Variants in RAD51B observed in about 807,000 individuals in gnomAD.
RAD51B encodes DNA repair protein RAD51 homolog 2.
RAD51B carries 38 observed loss-of-function variants against 42.2 expected under a neutral mutation model. That is an observed-to-expected ratio of 0.90 (90% CI 0.70 to 1.18). RAD51B has a LOEUF of 1.18. Ranked by LOEUF, RAD51B falls within the 50% of genes most tolerant of loss-of-function variation. The pLI is 0.00. For missense variants in RAD51B, 373 were observed against 400.7 expected (o/e 0.93, Z 0.59); for synonymous variants, 154 against 145.2 (o/e 1.06, Z -0.43).
In RAD51B at chr14:68,302,799, G is replaced by T. The variant is rs12890167; in HGVS notation, c.853+10819G>T. Among the ~76,000 whole-genome samples, 478 of 152,222 alleles carry T rather than the reference G, an allele frequency of 3.1e-3. 11 individuals carry two copies. Among genetic ancestry groups the T allele is most frequent in the East Asian group, 0.022 (116 of 5,186 alleles). On this transcript the variant is annotated intron_variant, in intron 8 of 10. Transcript: ENST00000471583. The stretch of plus-strand genomic sequence containing the variant: ...AACTGCAGCAGGAGCATATCCTTAA[G>T]GCACAGATCACTCATGCTATTGTTT...
chr14:68,194,012 A>C (rs963985205), intron 7 of RAD51B, among the ~76,000 whole-genome samples: 21 of 152,346 alleles, frequency 1.4e-4, no homozygotes, highest in Admixed American at 1.3e-3. Flanking sequence ...AAACAAGCTA[A>C]GAGGGCTGTC....
intron 7 of RAD51B, among the ~76,000 whole-genome samples, chr14:68,102,006 C>T (rs2077298811): frequency 6.6e-6 from 1 of 152,202 alleles, no homozygotes; most frequent in South Asian, 2.1e-4. Context: ...AGGTCCAACA[C>T]CACATGGAAG....
At chr14:68,251,089 T>C (rs2080620165) in intron 7 of RAD51B, among the ~76,000 whole-genome samples, 1 of 152,134 alleles carries the variant, frequency 6.6e-6, no homozygotes, top group Non-Finnish European at 1.5e-5. Flanking sequence ...TGACTAGTTG[T>C]CAAGGCCCTG....
At chr14:68,314,667 GAGTTGAGGC>G (rs1156357545) in intron 8 of RAD51B, among the ~76,000 whole-genome samples, 2 of 152,102 alleles carry the variant, frequency 1.3e-5, no homozygotes, top group Non-Finnish European at 1.5e-5. Flanking sequence ...TATTTTTTAA[GAGTTGAGGC>G]AGCACAGAGA....
intron 1 of RAD51B, among the ~76,000 whole-genome samples, chr14:67,821,356 A>G (rs2140269129): frequency 6.6e-6 from 1 of 152,352 alleles, no homozygotes; most frequent in South Asian, 2.1e-4. Flanking sequence ...CAGAAACAAT[A>G]TGCAATAGTC....
At chr14:68,268,180 T>A (rs2081030303) in intron 7 of RAD51B, among the ~76,000 whole-genome samples, 1 of 152,218 alleles carries the variant, frequency 6.6e-6, no homozygotes, top group South Asian at 2.1e-4. Flanking sequence ...AACTATCACT[T>A]CAGACACCTA....
chr14:67,922,051 A>G (rs575796979), intron 7 of RAD51B, among the ~76,000 whole-genome samples: 1 of 152,344 alleles, frequency 6.6e-6, no homozygotes, highest in Non-Finnish European at 1.5e-5. Flanking sequence ...GCAGCTCAGC[A>G]AGCGTCCAGC....
intron 7 of RAD51B, among the ~76,000 whole-genome samples, chr14:68,215,070 A>G (rs2079785724): frequency 6.6e-6 from 1 of 152,188 alleles, no homozygotes; most frequent in African/African-American, 2.4e-5. Flanking sequence ...GAAGAAGATT[A>G]ATTATCTCCA....
chr14:67,835,572 T>TA (rs2041212503), intron 4 of RAD51B, among the ~76,000 whole-genome samples: 1 of 135,268 alleles, frequency 7.4e-6, no homozygotes, highest in Non-Finnish European at 1.7e-5. Flanking sequence ...TATATACACA[T>TA]ATGTCATATA....
chr14:68,031,238 G>GA (rs1278720915), intron 7 of RAD51B, among the ~76,000 whole-genome samples: 11 of 152,102 alleles, frequency 7.2e-5, no homozygotes, highest in Admixed American at 2.6e-4. Flanking sequence ...AGAGAACGGG[G>GA]ATCAAGTGAA....
intron 7 of RAD51B, among the ~76,000 whole-genome samples, chr14:68,220,620 G>C (rs1485726880): frequency 6.6e-6 from 1 of 152,170 alleles, no homozygotes; most frequent in Non-Finnish European, 1.5e-5. Flanking sequence ...AGCCAGAGCA[G>C]TTAGACAAAT....
chr14:68,000,733 G>A (rs566981607), intron 7 of RAD51B, among the ~76,000 whole-genome samples: 1 of 152,256 alleles, frequency 6.6e-6, no homozygotes, highest in African/African-American at 2.4e-5. Context: ...ATGGAGAAGG[G>A]CTATTATCCC....
intron 7 of RAD51B, among the ~76,000 whole-genome samples, chr14:68,133,372 T>G (rs1031114915): frequency 1.3e-5 from 2 of 152,248 alleles, no homozygotes; most frequent in African/African-American, 4.8e-5. Context: ...TTTCTAAAAA[T>G]GAATGTCTGG....
At chr14:68,622,897 C>A (rs931749934) in intron 10 of RAD51B, among the ~76,000 whole-genome samples, 2 of 152,100 alleles carry the variant, frequency 1.3e-5, no homozygotes, top group African/African-American at 4.8e-5. Context: ...CCCCTCCTGA[C>A]ACCCTCAGAC....
At chr14:68,502,463 A>G (rs1461857971) in intron 10 of RAD51B, among the ~76,000 whole-genome samples, 9 of 152,320 alleles carry the variant, frequency 5.9e-5, no homozygotes, top group East Asian at 1.9e-4. Flanking sequence ...GGAAAACCCA[A>G]CACAGATGCA....
At chr14:68,306,891 C>G (rs2081876702) in intron 8 of RAD51B, among the ~76,000 whole-genome samples, 1 of 152,120 alleles carries the variant, frequency 6.6e-6, no homozygotes, top group Non-Finnish European at 1.5e-5. Context: ...CGAGGAGACT[C>G]AGGAGAAAGG....
chr14:68,242,054 A>G (rs1290557433), intron 7 of RAD51B, among the ~76,000 whole-genome samples: 2 of 152,108 alleles, frequency 1.3e-5, no homozygotes, highest in South Asian at 2.1e-4. Flanking sequence ...GGTTTCTGCC[A>G]CCTGTGCCTT....
intron 10 of RAD51B, among the ~76,000 whole-genome samples, chr14:68,520,084 C>T (rs1039907296): frequency 6.6e-6 from 1 of 151,148 alleles, no homozygotes; most frequent in African/African-American, 2.5e-5. Context: ...GGTTTGGACC[C>T]CAATTTTTAC....
intron 10 of RAD51B, among the ~76,000 whole-genome samples, chr14:68,523,608 C>T (rs982145258): frequency 7.2e-5 from 11 of 152,156 alleles, no homozygotes; most frequent in South Asian, 2.1e-4. Flanking sequence ...CATAAGTGCC[C>T]GGCTTTCCAT....
Sources: allele counts gnomAD v4.1 joint callset (sites outside exome capture counted in the v4.1 genomes callset), GRCh38; gene constraint gnomAD v4.1.1; transcripts MANE v1.5; gene names NCBI Gene and HGNC (gene_info 2026-07-23, HGNC 2026-07-21).